Variants in NAALADL2 observed in about 807,000 individuals in gnomAD.
The protein encoded by NAALADL2 is inactive N-acetylated-alpha-linked acidic dipeptidase-like protein 2.
NAALADL2 carries 76 observed loss-of-function variants against 87.2 expected under a neutral mutation model. That is an observed-to-expected ratio of 0.87 (90% CI 0.72 to 1.05). The LOEUF (loss-of-function observed/expected upper bound fraction) is 1.05. NAALADL2 is among the 50% of genes least tolerant of loss of function. NAALADL2 has a pLI of 0.00. For missense variants in NAALADL2, 1,089 were observed against 945.8 expected (o/e 1.15, Z -1.99); for synonymous variants, 354 against 331.0 (o/e 1.07, Z -0.75).
intron 3 of NAALADL2, among the ~76,000 whole-genome samples, chr3:174,780,891 T>C (rs1715884125): frequency 6.6e-6 from 1 of 152,088 alleles, no homozygotes. Flanking sequence ...CTTTACAATT[T>C]CGTATGTTTT....
intron 3 of NAALADL2, among the ~76,000 whole-genome samples, chr3:174,830,601 T>A (rs1482369585): frequency 6.6e-6 from 1 of 152,012 alleles, no homozygotes; most frequent in Non-Finnish European, 1.5e-5. Context: ...TGCGGGCTCT[T>A]TTTTGGTTCC....
intron 1 of NAALADL2, among the ~76,000 whole-genome samples, chr3:174,976,170 A>G (rs1238611795): frequency 6.6e-6 from 1 of 152,200 alleles, no homozygotes; most frequent in Non-Finnish European, 1.5e-5. Flanking sequence ...GAAAAGAAGA[A>G]CTTTTTTTTC....
chr3:175,465,473 C>CTTTTTTTTTTTTTTTTTTTTTT (rs71164634), intron 7 of NAALADL2, among the ~76,000 whole-genome samples: 58 of 106,734 alleles, frequency 5.4e-4, no homozygotes, highest in East Asian at 4.6e-3. Context: ...TGAATTAAAT[C>CTTTTTTTTTTTTTTTTTTTTTT]TTTTTTTTTT....
chr3:175,523,318 T>C (rs1178561803), intron 9 of NAALADL2, among the ~76,000 whole-genome samples: 1 of 152,180 alleles, frequency 6.6e-6, no homozygotes, highest in Non-Finnish European at 1.5e-5. Context: ...TATCAGACAG[T>C]CTTCCACAAC....
chr3:174,586,311 A>T (rs1285526243), intron 2 of NAALADL2, among the ~76,000 whole-genome samples: 1 of 152,114 alleles, frequency 6.6e-6, no homozygotes, highest in Non-Finnish European at 1.5e-5. Context: ...TTTTATTTTT[A>T]AAAATACGAT....
chr3:175,667,179 A>AAGAG (rs58208557), intron 11 of NAALADL2, among the ~76,000 whole-genome samples: 1 of 106,126 alleles, frequency 9.4e-6, no homozygotes, highest in East Asian at 2.7e-4. Context: ...GAAAGAAAGA[A>AAGAG]AGAGAAAGAA....
intron 1 of NAALADL2, among the ~76,000 whole-genome samples, chr3:174,980,390 CT>C (rs1744952939): frequency 1.3e-5 from 2 of 152,094 alleles, no homozygotes; most frequent in Admixed American, 1.3e-4. Flanking sequence ...GTCCCAGCTG[CT>C]GCAGAGGCTG....
chr3:175,214,377 G>A (rs1486698675), intron 2 of NAALADL2, among the ~76,000 whole-genome samples: 1 of 152,122 alleles, frequency 6.6e-6, no homozygotes, highest in African/African-American at 2.4e-5. Flanking sequence ...GTGTCTTTCA[G>A]ATGAAACACT....
intron 9 of NAALADL2, among the ~76,000 whole-genome samples, chr3:175,486,017 C>G (rs1727206866): frequency 6.6e-6 from 1 of 152,110 alleles, no homozygotes; most frequent in Admixed American, 6.6e-5. Flanking sequence ...AGAGTTCCAG[C>G]CTTTCAGAAC....
At chr3:175,181,563 G>T (rs1197051153) in intron 2 of NAALADL2, among the ~76,000 whole-genome samples, 1 of 150,756 alleles carries the variant, frequency 6.6e-6, no homozygotes, top group East Asian at 2.0e-4. Context: ...GACAACATGT[G>T]GTATTTGTCT....
rs12107339 is a variant in NAALADL2 at position 175,126,218 on chromosome 3, T to C, written c.545+28927T>C. 7.2e-5 allele frequency among the ~76,000 whole-genome samples: 11 copies of C among 152,012 alleles called. No individual in the cohort carries two copies. In the South Asian group the frequency reaches 8.3e-4, roughly 11 times the overall value. On this transcript the variant is annotated intron_variant, in intron 2 of 13. Transcript: ENST00000454872. The stretch of plus-strand genomic sequence containing the variant: ...TTCAGGTGAGACCAGAAAAGAGGAA[T>C]TGGAGATAGGAAGAACAGATAAAAG...
chr3:174,491,765 T>G (rs918819294), intron 1 of NAALADL2, among the ~76,000 whole-genome samples: 1 of 152,188 alleles, frequency 6.6e-6, no homozygotes, highest in African/African-American at 2.4e-5. Flanking sequence ...TCAAAGGAAG[T>G]GCTTATATGA....
chr3:174,464,456 C>T (rs1277706327), intron 1 of NAALADL2, among the ~76,000 whole-genome samples: 1 of 149,270 alleles, frequency 6.7e-6, no homozygotes, highest in Non-Finnish European at 1.5e-5. Context: ...GGAAAGTGGT[C>T]TTATCATTAA....
intron 1 of NAALADL2, among the ~76,000 whole-genome samples, chr3:174,471,756 C>T (rs1039028777): frequency 1.3e-5 from 2 of 151,842 alleles, no homozygotes; most frequent in African/African-American, 2.4e-5. Flanking sequence ...AATATTTTTT[C>T]TCATAACATT....
At chr3:175,178,730 A>G (rs972285211) in intron 2 of NAALADL2, among the ~76,000 whole-genome samples, 5 of 152,092 alleles carry the variant, frequency 3.3e-5, no homozygotes, top group Non-Finnish European at 7.4e-5. Flanking sequence ...TAAAGTTTCA[A>G]CTAATGATGC....
rs576575552 is a variant in NAALADL2, at chr3:174,492,264, C to T, written c.-184+51232C>T. Among the ~76,000 whole-genome samples the T allele has an allele frequency of 1.6e-4, 23 of 144,856 alleles. No homozygotes were observed. In the South Asian group the frequency reaches 2.9e-3, roughly 18 times the overall value. ...TAGCCCAGGCAACAACAGCAAGACT[C>T]CGTCTCAAAAAAAAAAAAGAAAAAA... On this transcript the variant is annotated intron_variant, in intron 1 of 3. Transcript: ENST00000434257.
chr3:175,699,353 G>T (rs1220526760), intron 11 of NAALADL2, among the ~76,000 whole-genome samples: 1 of 151,964 alleles, frequency 6.6e-6, no homozygotes, highest in African/African-American at 2.4e-5. Flanking sequence ...GGCAACAAGA[G>T]ATTAAGAATA....
At chr3:174,569,663 G>A (rs1428854679) in intron 2 of NAALADL2, among the ~76,000 whole-genome samples, 1 of 151,984 alleles carries the variant, frequency 6.6e-6, no homozygotes, top group Non-Finnish European at 1.5e-5. Context: ...GTTTTAGCAG[G>A]GAGTTAAATT....
intron 1 of NAALADL2, among the ~76,000 whole-genome samples, chr3:175,050,255 A>AATAT (rs1755200782): frequency 1.3e-5 from 2 of 152,044 alleles, no homozygotes; most frequent in Admixed American, 1.3e-4. Flanking sequence ...AATAATCTTT[A>AATAT]TTATTTATTT....
Sources: allele counts gnomAD v4.1 joint callset (sites outside exome capture counted in the v4.1 genomes callset), GRCh38; gene constraint gnomAD v4.1.1; transcripts MANE v1.5; gene names NCBI Gene and HGNC (gene_info 2026-07-23, HGNC 2026-07-21).